Variants in CNTN5 observed in about 807,000 individuals in gnomAD.
The protein encoded by CNTN5 is contactin 5, also known as contactin-5.
In CNTN5, 77 loss-of-function variants were observed where a neutral mutation model predicts 129.1. The ratio of observed to expected loss-of-function variants is 0.60; its 90% CI spans 0.50 to 0.72. The LOEUF is 0.72. CNTN5 is among the 30% of genes least tolerant of loss of function. The probability of loss-of-function intolerance (pLI) is 0.00; values close to 1 mark genes in which losing one functional copy is unlikely to be tolerated. For synonymous variants in CNTN5, 509 were observed against 465.6 expected, an observed-to-expected ratio of 1.09 and a Z score of -1.20; for missense variants, 1,478 against 1,328.8, an observed-to-expected ratio of 1.11 and a Z score of -1.75.
At chr11:99,079,164 CA>C (rs1386286886) in intron 1 of CNTN5, among the ~76,000 whole-genome samples, 3 of 151,910 alleles carry the variant, frequency 2.0e-5, no homozygotes, top group African/African-American at 7.3e-5. Context: ...GGCAAATTTC[CA>C]TTTGGATAAT....
intron 2 of CNTN5, among the ~76,000 whole-genome samples, chr11:99,455,196 G>T (rs1382215386): frequency 1.3e-5 from 2 of 152,022 alleles, no homozygotes; most frequent in Non-Finnish European, 2.9e-5. Flanking sequence ...ACACAAAGAT[G>T]AACTAAATAT....
intron 9 of CNTN5, among the ~76,000 whole-genome samples, chr11:100,029,624 T>C (rs1442312176): frequency 1.3e-5 from 2 of 152,076 alleles, no homozygotes; most frequent in Admixed American, 6.6e-5. Flanking sequence ...GATATTAATA[T>C]AATTCAAGAT....
At chr11:100,285,846 G>A (rs60979444) in intron 18 of CNTN5, among the ~76,000 whole-genome samples, 3,685 of 152,250 alleles carry the variant, frequency 0.024, 173 homozygotes, top group African/African-American at 0.083. Context: ...CTGAGGTACC[G>A]GGTTCATCTC....
At chr11:100,152,740 A>G (rs1318042296) in intron 13 of CNTN5, among the ~76,000 whole-genome samples, 3 of 152,140 alleles carry the variant, frequency 2.0e-5, no homozygotes, top group African/African-American at 7.2e-5. Flanking sequence ...ATGTTAACTC[A>G]TTATTAATGA....
At chr11:99,849,900 A>G (rs146048304) in intron 6 of CNTN5, among the ~76,000 whole-genome samples, 1 of 152,210 alleles carries the variant, frequency 6.6e-6, no homozygotes, top group East Asian at 1.9e-4. Context: ...GACTTAGCCA[A>G]TTTGACTTCA....
At chr11:99,722,441 G>C (rs952173846) in intron 3 of CNTN5, among the ~76,000 whole-genome samples, 4 of 152,040 alleles carry the variant, frequency 2.6e-5, no homozygotes, top group African/African-American at 9.7e-5. Context: ...GAGAACTTAT[G>C]AACACAAAGA....
At chr11:100,201,614 A>T (rs1318732750) in intron 15 of CNTN5, among the ~76,000 whole-genome samples, 2 of 151,088 alleles carry the variant, frequency 1.3e-5, no homozygotes, top group Non-Finnish European at 3.0e-5. Context: ...ATATATCTCT[A>T]CCTCCCTCCT....
intron 2 of CNTN5, among the ~76,000 whole-genome samples, chr11:99,510,848 G>C (rs1329240088): frequency 6.6e-6 from 1 of 152,032 alleles, no homozygotes; most frequent in African/African-American, 2.4e-5. Flanking sequence ...TTTTTATAAA[G>C]TTGAGTGTAA....
At chr11:99,569,398 C>G (rs1047673189) in intron 3 of CNTN5, among the ~76,000 whole-genome samples, 1 of 152,156 alleles carries the variant, frequency 6.6e-6, no homozygotes, top group Non-Finnish European at 1.5e-5. Flanking sequence ...ACTGCAAGCT[C>G]CGCCTCCCGG....
In CNTN5 at chr11:99,232,584, C is replaced by A. The variant is rs890111027; in HGVS notation, c.-209-92762C>A. On this transcript the variant is annotated intron_variant, in intron 1 of 24. Coordinates refer to ENST00000524871, the MANE Select transcript of CNTN5 (RefSeq NM_014361.4). ...GAATGGAGTTTTCTAGATATTGTAT[C>A]ATGTCTTCTGCAAACAAAGACAATT... 2.0e-5 allele frequency among the ~76,000 whole-genome samples: 3 copies of A among 152,048 alleles called. 1 individual carries two copies. The highest frequency in any genetic ancestry group is 2.0e-4 in the Admixed American group (3 of 15,262).
intron 3 of CNTN5, among the ~76,000 whole-genome samples, chr11:99,813,953 C>T (rs1317771981): frequency 6.6e-6 from 1 of 152,014 alleles, no homozygotes; most frequent in African/African-American, 2.4e-5. Flanking sequence ...TAATTGAATA[C>T]TTTTACCATA....
intron 3 of CNTN5, among the ~76,000 whole-genome samples, chr11:99,724,640 T>A (rs1253864411): frequency 6.6e-6 from 1 of 152,214 alleles, no homozygotes; most frequent in African/African-American, 2.4e-5. Flanking sequence ...AACTGAGACT[T>A]GAATCCAGAC....
intron 1 of CNTN5, among the ~76,000 whole-genome samples, chr11:99,310,789 G>T (rs1865078565): frequency 6.6e-6 from 1 of 152,060 alleles, no homozygotes; most frequent in Non-Finnish European, 1.5e-5. Context: ...ATTATGAATT[G>T]CCTATTTATA....
At chr11:99,826,339 C>T (rs1285106720) in intron 4 of CNTN5, among the ~76,000 whole-genome samples, 1 of 152,144 alleles carries the variant, frequency 6.6e-6, no homozygotes, top group Non-Finnish European at 1.5e-5. Flanking sequence ...AATAGCTTAA[C>T]TAAGTTCACA....
chr11:100,044,524 C>T (rs1284420777), intron 9 of CNTN5, among the ~76,000 whole-genome samples: 2 of 151,114 alleles, frequency 1.3e-5, no homozygotes, highest in East Asian at 1.9e-4. Context: ...GCCATTTTGA[C>T]TATAGTAAGA....
chr11:99,380,960 A>G (rs745473186), intron 2 of CNTN5, among the ~76,000 whole-genome samples: 12 of 152,052 alleles, frequency 7.9e-5, no homozygotes, highest in Non-Finnish European at 1.6e-4. Flanking sequence ...GAAACGTCCA[A>G]CGGATTTAAG....
intron 8 of CNTN5, among the ~76,000 whole-genome samples, chr11:99,999,837 A>G (rs1939741512): frequency 6.6e-6 from 1 of 152,108 alleles, no homozygotes; most frequent in Admixed American, 6.6e-5. Context: ...ATAAAAAATG[A>G]TGAGTTCATG....
At chr11:99,479,933 T>G (rs560102452) in intron 2 of CNTN5, among the ~76,000 whole-genome samples, 44 of 152,116 alleles carry the variant, frequency 2.9e-4, no homozygotes, top group African/African-American at 1.1e-3. Context: ...TAAAGACCTA[T>G]TAGACCAAAT....
chr11:99,254,430 T>C (rs915000341), intron 1 of CNTN5, among the ~76,000 whole-genome samples: 4 of 151,990 alleles, frequency 2.6e-5, no homozygotes, highest in Non-Finnish European at 5.9e-5. Flanking sequence ...AAGTAGTCAT[T>C]TTGTTTTTCT....
Sources: gnomAD v4.1 joint callset for allele counts (sites outside exome capture counted in the v4.1 genomes callset) on GRCh38, gnomAD v4.1.1 for gene constraint, MANE v1.5 for transcripts, NCBI Gene and HGNC (gene_info 2026-07-23, HGNC 2026-07-21) for gene names.